The following LHFPL3 variants were observed in gnomAD, a reference collection of about 807,000 sequenced individuals.
LHFPL3 encodes LHFPL tetraspan subfamily member 3 protein.
In LHFPL3, 5 loss-of-function variants were observed where a neutral mutation model predicts 19.3. That is an observed-to-expected ratio of 0.26 (90% confidence interval 0.14 to 0.54). LHFPL3 has a LOEUF of 0.54. LHFPL3 is among the 20% of genes least tolerant of loss of function. LHFPL3 has a pLI of 0.94. For missense variants in LHFPL3, 249 were observed against 307.4 expected (o/e 0.81, Z 1.42); for synonymous variants, 133 against 126.2 (o/e 1.05, Z -0.36).
intron 1 of LHFPL3, among the ~76,000 whole-genome samples, chr7:104,394,265 G>A (rs1791139111): frequency 6.6e-6 from 1 of 152,162 alleles, no homozygotes. Flanking sequence ...TGCAGCCTGA[G>A]ATTCATCATT....
intron 2 of LHFPL3, among the ~76,000 whole-genome samples, chr7:104,887,609 C>T (rs923840476): frequency 6.6e-6 from 1 of 152,192 alleles, no homozygotes; most frequent in Non-Finnish European, 1.5e-5. Flanking sequence ...CAGAGAATGT[C>T]CTCCAGCAAA....
intron 1 of LHFPL3, among the ~76,000 whole-genome samples, chr7:104,666,607 C>CG (rs1165140492): frequency 1.4e-4 from 19 of 133,686 alleles, no homozygotes; most frequent in African/African-American, 5.2e-4. Context: ...CTGCAAGCTC[C>CG]GCCTCCCGGG....
chr7:104,487,726 T>C (rs1300849802), intron 1 of LHFPL3, among the ~76,000 whole-genome samples: 3 of 152,240 alleles, frequency 2.0e-5, no homozygotes, highest in African/African-American at 7.2e-5. Context: ...TTCTGTAACA[T>C]TGATCTTTTC....
intron 2 of LHFPL3, among the ~76,000 whole-genome samples, chr7:104,795,098 C>T (rs1344918492): frequency 6.6e-6 from 1 of 152,210 alleles, no homozygotes; most frequent in Non-Finnish European, 1.5e-5. Flanking sequence ...ACTAAGCCAC[C>T]TGCCTCATCC....
At chr7:104,664,669 C>T (rs1351031131) in intron 1 of LHFPL3, among the ~76,000 whole-genome samples, 2 of 152,232 alleles carry the variant, frequency 1.3e-5, no homozygotes, top group South Asian at 4.1e-4. Context: ...ACTTTATTTA[C>T]CAAATCAAGT....
intron 1 of LHFPL3, among the ~76,000 whole-genome samples, chr7:104,467,537 C>G (rs1026957731): frequency 2.0e-5 from 3 of 152,154 alleles, no homozygotes; most frequent in African/African-American, 7.2e-5. Flanking sequence ...AAACAAGTGG[C>G]AAATTGACTC....
chr7:104,852,740 G>C (rs1584576582), intron 2 of LHFPL3, among the ~76,000 whole-genome samples: 1 of 152,228 alleles, frequency 6.6e-6, no homozygotes, highest in African/African-American at 2.4e-5. Flanking sequence ...TCGTATCTTT[G>C]AATGTGTGTT....
intron 2 of LHFPL3, among the ~76,000 whole-genome samples, chr7:104,790,960 T>C (rs1476816690): frequency 3.3e-5 from 5 of 152,364 alleles, no homozygotes; most frequent in Non-Finnish European, 7.3e-5. Context: ...CTCCACATGG[T>C]TGACCTAAAT....
At chr7:104,587,331 C>T (rs1044277694) in intron 1 of LHFPL3, among the ~76,000 whole-genome samples, 1 of 152,166 alleles carries the variant, frequency 6.6e-6, no homozygotes, top group Non-Finnish European at 1.5e-5. Flanking sequence ...CAAGTGTTCT[C>T]ATTGTTCAAT....
intron 1 of LHFPL3, among the ~76,000 whole-genome samples, chr7:104,338,161 C>T (rs1232646061): frequency 3.0e-5 from 4 of 131,592 alleles, no homozygotes; most frequent in Non-Finnish European, 6.1e-5. Context: ...TGCAGTGGCG[C>T]GATCTCAGCC....
At chr7:104,822,729 C>T (rs1376266693) in intron 2 of LHFPL3, among the ~76,000 whole-genome samples, 1 of 152,098 alleles carries the variant, frequency 6.6e-6, no homozygotes, top group Non-Finnish European at 1.5e-5. Flanking sequence ...TTGGAAGAAT[C>T]TGACACGGAG....
chr7:104,645,679 T>TTA (rs1554419404), intron 1 of LHFPL3, among the ~76,000 whole-genome samples: 2 of 145,382 alleles, frequency 1.4e-5, no homozygotes, highest in African/African-American at 5.1e-5. Flanking sequence ...TTTTTTTTTT[T>TTA]AGATGGAGTC....
intron 1 of LHFPL3, among the ~76,000 whole-genome samples, chr7:104,473,378 T>A (rs1022366130): frequency 1.3e-5 from 2 of 152,252 alleles, no homozygotes; most frequent in South Asian, 2.1e-4. Context: ...TTTACTTGTA[T>A]CTCTGATAGA....
At chr7:104,691,974 A>G (rs1162695821) in intron 1 of LHFPL3, among the ~76,000 whole-genome samples, 2 of 152,232 alleles carry the variant, frequency 1.3e-5, no homozygotes, top group Non-Finnish European at 2.9e-5. Context: ...GAATGAGAGG[A>G]GGAACTTGTT....
chr7:104,396,414 A>C (rs759119925), intron 1 of LHFPL3, among the ~76,000 whole-genome samples: 1 of 152,128 alleles, frequency 6.6e-6, no homozygotes, highest in Non-Finnish European at 1.5e-5. Flanking sequence ...CTATGGTAAG[A>C]TACAGAGAAG....
chr7:104,410,294 A>G (rs1791511097), intron 1 of LHFPL3, among the ~76,000 whole-genome samples: 1 of 152,060 alleles, frequency 6.6e-6, no homozygotes, highest in South Asian at 2.1e-4. Flanking sequence ...CACCACATCC[A>G]GCTAATTTTT....
intron 1 of LHFPL3, among the ~76,000 whole-genome samples, chr7:104,487,560 G>T (rs1036703162): frequency 3.9e-5 from 6 of 152,194 alleles, no homozygotes; most frequent in Admixed American, 2.6e-4. Context: ...GGAGCACCCA[G>T]AGAAAACCCA....
intron 1 of LHFPL3, among the ~76,000 whole-genome samples, chr7:104,735,033 G>T (rs925002183): frequency 7.9e-5 from 12 of 152,210 alleles, no homozygotes; most frequent in African/African-American, 2.9e-4. Context: ...CAGAACAGCG[G>T]ATATTGGTGA....
intron 1 of LHFPL3, among the ~76,000 whole-genome samples, chr7:104,576,308 A>G (rs1190613904): frequency 6.6e-6 from 1 of 152,200 alleles, no homozygotes; most frequent in African/African-American, 2.4e-5. Flanking sequence ...GAGGTTAAAG[A>G]CCAAAGGGTG....
Sources: gnomAD v4.1 joint callset for allele counts (sites outside exome capture counted in the v4.1 genomes callset) on GRCh38, gnomAD v4.1.1 for gene constraint, MANE v1.5 for transcripts, NCBI Gene and HGNC (gene_info 2026-07-23, HGNC 2026-07-21) for gene names.